KLHL1: variants seen among roughly 807,000 people sequenced by gnomAD.
KLHL1 encodes kelch-like protein 1.
A neutral mutation model predicts 77.7 loss-of-function variants in KLHL1; 47 were observed. That is an observed-to-expected ratio of 0.60 (90% CI 0.48 to 0.77). The LOEUF (loss-of-function observed/expected upper bound fraction) is 0.77, where lower values mean the gene tolerates loss of function less well. Ranked by LOEUF, KLHL1 falls within the 30% of genes least tolerant of loss-of-function variation. The probability of loss-of-function intolerance (pLI) is 0.00; values close to 1 mark genes in which losing one functional copy is unlikely to be tolerated. For synonymous variants in KLHL1, 360 were observed against 325.2 expected, an observed-to-expected ratio of 1.11 and a Z score of -1.15; for missense variants, 925 against 910.8, an observed-to-expected ratio of 1.02 and a Z score of -0.20.
chr13:69,793,823 T>C (rs370485580), intron 7 of KLHL1, among the ~76,000 whole-genome samples: 31 of 152,220 alleles, frequency 2.0e-4, no homozygotes, highest in African/African-American at 7.5e-4. Context: ...CCTGACATCA[T>C]TTGTGACGTT....
rs189134171 is a variant in KLHL1, at chr13:69,850,691, G to A, written c.1228-11529C>T. Among the ~76,000 whole-genome samples, 58 of 151,612 alleles carry A rather than the reference G, an allele frequency of 3.8e-4. 1 individual carries two copies. Among genetic ancestry groups the A allele is most frequent in the Middle Eastern group, 3.4e-3 (1 of 294 alleles). ...ACAGAATTCAAACTACTCCCACAGC[G>A]TCCTAAAACATACACATTGATCATT... is the stretch of plus-strand genomic sequence containing the variant. On this transcript the variant is annotated intron_variant, in intron 5 of 10. Transcript: ENST00000377844.
At chr13:69,894,888 T>C (rs1434243084) in intron 4 of KLHL1, 5 of 320,388 alleles carry the variant, frequency 1.6e-5, no homozygotes, top group Non-Finnish European at 3.0e-5. Context: ...CTAGCACCTC[T>C]ATCATGGCAT....
intron 1 of KLHL1, among the ~76,000 whole-genome samples, chr13:70,033,800 A>G (rs1886175845): frequency 6.6e-6 from 1 of 151,494 alleles, no homozygotes; most frequent in Non-Finnish European, 1.5e-5. Context: ...TTTTATTTGT[A>G]GTAGAAACGG....
At chr13:69,939,378 T>TATATATATATATATATATATATACACAC (rs1200160699) in intron 4 of KLHL1, among the ~76,000 whole-genome samples, 1 of 70,822 alleles carries the variant, frequency 1.4e-5, no homozygotes, top group Non-Finnish European at 2.7e-5. Context: ...TATATATATA[T>TATATATATATATATATATATATACACAC]ACACACACAC....
At chr13:69,823,277 C>T (rs895658855) in intron 6 of KLHL1, among the ~76,000 whole-genome samples, 1 of 152,088 alleles carries the variant, frequency 6.6e-6, no homozygotes, top group African/African-American at 2.4e-5. Flanking sequence ...TTATTACTCT[C>T]ATTTTGCATA....
At chr13:69,912,661 A>C (rs1882277234) in intron 4 of KLHL1, among the ~76,000 whole-genome samples, 1 of 152,106 alleles carries the variant, frequency 6.6e-6, no homozygotes, top group African/African-American at 2.4e-5. Flanking sequence ...CTGAGTTTGT[A>C]AGAACACAGC....
At chr13:69,947,906 T>A (rs908729717) in intron 3 of KLHL1, among the ~76,000 whole-genome samples, 1 of 152,138 alleles carries the variant, frequency 6.6e-6, no homozygotes, top group South Asian at 2.1e-4. Context: ...GAAAAGTAAT[T>A]CTACATTTTC....
chr13:69,844,582 G>A (rs1199078210), intron 5 of KLHL1, among the ~76,000 whole-genome samples: 3 of 151,444 alleles, frequency 2.0e-5, no homozygotes, highest in Admixed American at 6.6e-5. Flanking sequence ...TTACTGTGGG[G>A]GTTAGGCCAA....
chr13:69,946,590 G>C (rs73510190), intron 3 of KLHL1, among the ~76,000 whole-genome samples: 19,176 of 151,930 alleles, frequency 0.13, 1,679 homozygotes, highest in East Asian at 0.29. Context: ...CTAGCTCACT[G>C]CATGCTTGAA....
At chr13:70,013,757 CTTG>C (rs1593674158) in intron 1 of KLHL1, among the ~76,000 whole-genome samples, 1 of 152,068 alleles carries the variant, frequency 6.6e-6, no homozygotes, top group African/African-American at 2.4e-5. Flanking sequence ...GGAGTAGAAG[CTTG>C]TTATCTCACA....
intron 1 of KLHL1, among the ~76,000 whole-genome samples, chr13:69,984,494 G>T (rs749357009): frequency 5.9e-5 from 9 of 152,106 alleles, no homozygotes; most frequent in Non-Finnish European, 8.8e-5. Flanking sequence ...TAAAAGATTA[G>T]GGTGGGGCAG....
chr13:70,068,114 G>A (rs998251501), intron 1 of KLHL1, among the ~76,000 whole-genome samples: 3 of 151,844 alleles, frequency 2.0e-5, no homozygotes, highest in African/African-American at 7.3e-5. Flanking sequence ...GGCCGAGGCG[G>A]GCGGATCACG....
Position 69,826,160 on chromosome 13 carries a change from G to A in KLHL1, c.1414+12816C>T, listed in dbSNP as rs940532336. ...CAGAGAGTAGAATGGTGGTTATTAG[G>A]AGCTGAGAATCTAGTGGTGAAGACT... On this transcript the variant is annotated intron_variant, in intron 6 of 10. Coordinates refer to ENST00000377844, the MANE Select transcript of KLHL1 (RefSeq NM_020866.3). Among the ~76,000 whole-genome samples, 8 of 152,128 alleles carry A rather than the reference G, an allele frequency of 5.3e-5. 1 individual carries two copies. Among genetic ancestry groups the A allele is most frequent in the Middle Eastern group, 6.3e-3 (2 of 316 alleles).
intron 6 of KLHL1, among the ~76,000 whole-genome samples, chr13:69,810,502 A>T (rs984059223): frequency 6.6e-6 from 1 of 152,084 alleles, no homozygotes; most frequent in Non-Finnish European, 1.5e-5. Context: ...AAATAGAGAC[A>T]ACATTCCACA....
Position 70,038,633 on chromosome 13 carries a change from G to T in KLHL1, c.498-62831C>A, listed in dbSNP as rs1264926392. ...GATAGAGTCTCATTCTTGTCGCTCA[G>T]GGTGGAGTGTGCAATGATGCGATCT... On this transcript the variant is annotated intron_variant, in intron 1 of 10. Coordinates refer to ENST00000377844, the MANE Select transcript of KLHL1 (RefSeq NM_020866.3). Among the ~76,000 whole-genome samples, 12 of 123,330 alleles carry T rather than the reference G, an allele frequency of 9.7e-5. No individual in the cohort carries two copies. In the Admixed American group the frequency reaches 1.4e-3, roughly 14 times the overall value. The allele number at this position is 123,330 out of a possible 152,430, so 80.9% of individuals were successfully genotyped here.
Position 69,750,499 on chromosome 13 carries a change from T to C in KLHL1, c.1640-9943A>G, listed in dbSNP as rs192749891. Reference sequence around the variant, plus strand: ...AAATTTTCCAGTGAGATATTAAATATACATGTATGTGTGTATATATATGCA... The same window carrying C: ...AAATTTTCCAGTGAGATATTAAATACACATGTATGTGTGTATATATATGCA... On this transcript the variant is annotated intron_variant, in intron 7 of 10. Coordinates refer to ENST00000377844, the MANE Select transcript of KLHL1 (RefSeq NM_020866.3). Among the ~76,000 whole-genome samples, 369 of 151,868 alleles carry C rather than the reference T, an allele frequency of 2.4e-3. 1 individual carries two copies. The highest frequency in any genetic ancestry group is 4.3e-3 in the Admixed American group (65 of 15,226).
intron 3 of KLHL1, among the ~76,000 whole-genome samples, chr13:69,952,947 TA>T (rs1883757475): frequency 6.6e-6 from 1 of 151,332 alleles, no homozygotes; most frequent in Non-Finnish European, 1.5e-5. Flanking sequence ...TATTAACAAA[TA>T]GTCAAAACTG....
chr13:69,939,198 G>C (rs1883273120), intron 4 of KLHL1, among the ~76,000 whole-genome samples: 3 of 150,488 alleles, frequency 2.0e-5, no homozygotes, highest in Non-Finnish European at 4.4e-5. Context: ...ACTTGTAACT[G>C]GTTATTCTAT....
chr13:69,950,979 T>A (rs1298102921), intron 3 of KLHL1, among the ~76,000 whole-genome samples: 2 of 151,636 alleles, frequency 1.3e-5, no homozygotes, highest in African/African-American at 4.8e-5. Context: ...TTTAAAATAT[T>A]TTGAATACTC....
Sources: allele counts gnomAD v4.1 joint callset (sites outside exome capture counted in the v4.1 genomes callset), GRCh38; gene constraint gnomAD v4.1.1; transcripts MANE v1.5; gene names NCBI Gene and HGNC (gene_info 2026-07-23, HGNC 2026-07-21).